STK24: variants seen among roughly 807,000 people sequenced by gnomAD.
The protein encoded by STK24 is serine/threonine-protein kinase 24.
In STK24, 21 loss-of-function variants were observed where a neutral mutation model predicts 55.6. The observed-to-expected ratio is 0.38, with a 90% CI of 0.27 to 0.54. STK24 has a LOEUF of 0.54. STK24 is among the 20% of genes least tolerant of loss of function. The probability of loss-of-function intolerance (pLI) is 0.79; values close to 1 mark genes in which losing one functional copy is unlikely to be tolerated. For synonymous variants in STK24, 200 were observed against 215.2 expected (o/e 0.93, Z 0.62); for missense variants, 383 against 538.4 (o/e 0.71, Z 2.86).
At chr13:98,502,334 G>A (rs1425466257) in intron 2 of STK24, among the ~76,000 whole-genome samples, 1 of 152,176 alleles carries the variant, frequency 6.6e-6, no homozygotes, top group African/African-American at 2.4e-5. Context: ...TGGGGCAGGA[G>A]GAAAAGACTG....
At chr13:98,470,107 G>A (rs1306522978) in intron 5 of STK24, among the ~76,000 whole-genome samples, 1 of 152,202 alleles carries the variant, frequency 6.6e-6, no homozygotes, top group Non-Finnish European at 1.5e-5. Context: ...AATTGAGTTT[G>A]TCTATTACTG....
chr13:98,518,892 T>C (rs759690478), intron 2 of STK24, among the ~76,000 whole-genome samples: 1 of 152,238 alleles, frequency 6.6e-6, no homozygotes, highest in Non-Finnish European at 1.5e-5. Flanking sequence ...AGATTAACAT[T>C]CTTAAGTTGG....
chr13:98,546,289 GAGC>G (rs566277638), intron 1 of STK24, among the ~76,000 whole-genome samples: 21 of 151,828 alleles, frequency 1.4e-4, no homozygotes, highest in Non-Finnish European at 2.7e-4. Context: ...ATGATCTGGT[GAGC>G]AGTTCAGGCA....
chr13:98,557,505 C>A (rs1383523227), intron 1 of STK24, among the ~76,000 whole-genome samples: 1 of 152,220 alleles, frequency 6.6e-6, no homozygotes, highest in East Asian at 1.9e-4. Flanking sequence ...AATCCCTCCT[C>A]CTCCCCACCC....
intron 2 of STK24, among the ~76,000 whole-genome samples, chr13:98,510,142 G>A (rs553039565): frequency 1.3e-5 from 2 of 152,338 alleles, no homozygotes; most frequent in East Asian, 1.9e-4. Flanking sequence ...ACGTGTGGGA[G>A]CAAACAAGGT....
intron 2 of STK24, among the ~76,000 whole-genome samples, chr13:98,484,665 C>A (rs1182800868): frequency 6.6e-6 from 1 of 152,178 alleles, no homozygotes. Flanking sequence ...ACTTGCCAAG[C>A]AAACAAGATA....
At chr13:98,502,181 G>T (rs1303007200) in intron 2 of STK24, among the ~76,000 whole-genome samples, 2 of 152,162 alleles carry the variant, frequency 1.3e-5, no homozygotes, top group Non-Finnish European at 1.5e-5. Context: ...GGTGACATCT[G>T]CCTGGTTATT....
At chr13:98,542,068 T>A (rs1896903033) in intron 1 of STK24, among the ~76,000 whole-genome samples, 1 of 152,228 alleles carries the variant, frequency 6.6e-6, no homozygotes, top group African/African-American at 2.4e-5. Flanking sequence ...ACTAGGACTT[T>A]AACCATGGGC....
intron 7 of STK24, among the ~76,000 whole-genome samples, chr13:98,462,726 C>T (rs1317272093): frequency 6.6e-6 from 1 of 152,166 alleles, no homozygotes; most frequent in Non-Finnish European, 1.5e-5. Context: ...CACCTCGGTG[C>T]CACTTCACAC....
At chr13:98,502,704 C>T (rs1168072801) in intron 2 of STK24, among the ~76,000 whole-genome samples, 1 of 152,148 alleles carries the variant, frequency 6.6e-6, no homozygotes, top group Admixed American at 6.5e-5. Context: ...AGAAAGCCCT[C>T]GCCAGATGCC....
chr13:98,556,067 A>C (rs1897282111), intron 1 of STK24, among the ~76,000 whole-genome samples: 1 of 152,160 alleles, frequency 6.6e-6, no homozygotes, highest in African/African-American at 2.4e-5. Flanking sequence ...CCCGGATAAG[A>C]AATTCGGTCC....
At chr13:98,506,386 C>T (rs1327650823) in intron 2 of STK24, among the ~76,000 whole-genome samples, 2 of 152,210 alleles carry the variant, frequency 1.3e-5, no homozygotes, top group East Asian at 1.9e-4. Context: ...AATGGAATCA[C>T]CGCCCAGATT....
At chr13:98,521,072 C>T (rs1327785818) in intron 1 of STK24, among the ~76,000 whole-genome samples, 1 of 152,238 alleles carries the variant, frequency 6.6e-6, no homozygotes, top group Non-Finnish European at 1.5e-5. Flanking sequence ...GCTCAGCCCA[C>T]ACCGGAAGGT....
intron 2 of STK24, among the ~76,000 whole-genome samples, chr13:98,509,752 A>C (rs1485323658): frequency 1.3e-5 from 2 of 152,214 alleles, no homozygotes; most frequent in African/African-American, 4.8e-5. Flanking sequence ...TGCTTCCTTT[A>C]AACAGAACAC....
intron 6 of STK24, among the ~76,000 whole-genome samples, chr13:98,465,157 A>C (rs1893881214): frequency 6.6e-6 from 1 of 152,226 alleles, no homozygotes; most frequent in Admixed American, 6.5e-5. Flanking sequence ...AGGAACACCC[A>C]AACACCGAGT....
Position 98,446,836 on chromosome 13 carries a change from C to A in STK24, c.*6337G>T, listed in dbSNP as rs112364908. ...TCGAAAGGTAGACACCCCCTTCCCA[C>A]GCACAGGGCCCTGCAGAAGAGGACC... On this transcript the variant is annotated 3_prime_UTR_variant, in exon 11 of 11. Coordinates refer to ENST00000539966, the MANE Select transcript of STK24 (RefSeq NM_001032296.4). 1.4e-5 allele frequency: 22 copies of A among 1,613,360 alleles called. No homozygotes were observed. Among genetic ancestry groups the A allele is most frequent in the African/African-American group, 8.0e-5 (6 of 75,046 alleles).
chr13:98,483,892 T>G (rs1566361307), intron 2 of STK24, among the ~76,000 whole-genome samples: 1 of 152,232 alleles, frequency 6.6e-6, no homozygotes, highest in Non-Finnish European at 1.5e-5. Context: ...TGGAGTTGAT[T>G]CTAAGACAGT....
At chr13:98,521,828 C>G (rs1252937951) in intron 1 of STK24, 1 of 786,530 alleles carries the variant, frequency 1.3e-6, no homozygotes, top group South Asian at 1.3e-5. Flanking sequence ...AAGGCCAGTC[C>G]CCAAAGCTGG....
rs1893093673 is a variant in STK24, at chr13:98,449,702, G to A, written c.*3471C>T. ...TACAAGATGTACCAGACGGTTTCCAGTACTAACAAAGGGAATAAAAATACC... is the reference window on the plus strand; with the variant it reads ...TACAAGATGTACCAGACGGTTTCCAATACTAACAAAGGGAATAAAAATACC... On this transcript the variant is annotated 3_prime_UTR_variant, in exon 11 of 11. Coordinates refer to ENST00000539966, the MANE Select transcript of STK24 (RefSeq NM_001032296.4). 6.6e-6 allele frequency: 1 copy of A among 151,710 alleles called. No individual in the cohort carries two copies. Among genetic ancestry groups the A allele is most frequent in the African/African-American group, 2.4e-5 (1 of 41,088 alleles). 9.4% of individuals were successfully genotyped at this position (151,710 alleles called of 1,614,324 possible).
Sources: allele counts gnomAD v4.1 joint callset (sites outside exome capture counted in the v4.1 genomes callset), GRCh38; gene constraint gnomAD v4.1.1; transcripts MANE v1.5; gene names NCBI Gene and HGNC (gene_info 2026-07-23, HGNC 2026-07-21).